RUNX1T1: variants seen among roughly 807,000 people sequenced by gnomAD.
RUNX1T1 encodes protein CBFA2T1.
RUNX1T1 carries 4 observed loss-of-function variants against 62.8 expected under a neutral mutation model. The observed-to-expected ratio is 0.06, with a 90% CI of 0.03 to 0.15. The LOEUF (loss-of-function observed/expected upper bound fraction) is 0.15, where lower values mean the gene tolerates loss of function less well. RUNX1T1 is among the 10% of genes least tolerant of loss of function. The probability of loss-of-function intolerance (pLI) is 1.00; values close to 1 mark genes in which losing one functional copy is unlikely to be tolerated. For synonymous variants in RUNX1T1, 291 were observed against 286.0 expected, an observed-to-expected ratio of 1.02 and a Z score of -0.18; for missense variants, 508 against 754.3, an observed-to-expected ratio of 0.67 and a Z score of 3.82.
intron 1 of RUNX1T1, among the ~76,000 whole-genome samples, chr8:92,083,146 C>G (rs1469255101): frequency 6.6e-6 from 1 of 152,154 alleles, no homozygotes; most frequent in Non-Finnish European, 1.5e-5. Context: ...TAAAAAGTTA[C>G]AGTGTGCATC....
At chr8:91,959,444 G>A (rs796531151) in exon 11 of RUNX1T1, 22,049 of 135,238 alleles carry the variant, frequency 0.16, 2,614 homozygotes, top group African/African-American at 0.43. Flanking sequence ...GTGTGTGTGT[G>A]TGTGTGTGTG....
At chr8:92,005,959 G>GTA (rs1563735534) in intron 4 of RUNX1T1, 1 of 147,634 alleles carries the variant, frequency 6.8e-6, no homozygotes, top group African/African-American at 2.6e-5. Flanking sequence ...TGCCTTCTTT[G>GTA]TATCAGTCTT....
intron 4 of RUNX1T1, chr8:92,006,542 A>G (rs1820808579): frequency 6.6e-6 from 1 of 152,190 alleles, no homozygotes; most frequent in African/African-American, 2.4e-5. Flanking sequence ...AATCATGGAC[A>G]GGAACTACGG....
chr8:91,975,627 C>T (rs1314783437), intron 9 of RUNX1T1, among the ~76,000 whole-genome samples: 1 of 151,626 alleles, frequency 6.6e-6, no homozygotes, highest in African/African-American at 2.4e-5. Flanking sequence ...CATTATGGCC[C>T]TGAAAAAAAT....
chr8:91,992,280 T>C (rs1817834046), intron 5 of RUNX1T1, among the ~76,000 whole-genome samples: 2 of 152,204 alleles, frequency 1.3e-5, no homozygotes, highest in South Asian at 4.1e-4. Context: ...AAAACATCAC[T>C]ACTCTCTTGA....
At chr8:92,017,753 G>GCAT in intron 1 of RUNX1T1, 1 of 610,720 alleles carries the variant, frequency 1.6e-6, no homozygotes, top group Non-Finnish European at 2.2e-6. Context: ...ACAAAAACCT[G>GCAT]AAGTCTGTTA....
chr8:92,015,295 G>A (rs1240846547), intron 2 of RUNX1T1, among the ~76,000 whole-genome samples: 1 of 152,178 alleles, frequency 6.6e-6, no homozygotes, highest in African/African-American at 2.4e-5. Flanking sequence ...TGACAGCTGT[G>A]TTTATAGGAA....
At chr8:92,081,893 T>C (rs1835331054) in intron 1 of RUNX1T1, among the ~76,000 whole-genome samples, 1 of 152,094 alleles carries the variant, frequency 6.6e-6, no homozygotes, top group South Asian at 2.1e-4. Context: ...TATTTATTTA[T>C]TTATTTATTT....
chr8:92,003,381 C>T (rs567619659), intron 5 of RUNX1T1: 20 of 456,068 alleles, frequency 4.4e-5, no homozygotes, highest in Non-Finnish European at 8.8e-5. Flanking sequence ...GGGAAAATAG[C>T]TGGAAATACA....
intron 5 of RUNX1T1, among the ~76,000 whole-genome samples, chr8:91,992,251 G>C (rs573959535): frequency 4.6e-5 from 7 of 152,272 alleles, no homozygotes; most frequent in Admixed American, 2.0e-4. Flanking sequence ...GACTGTATTT[G>C]ATGAAGATTC....
intron 1 of RUNX1T1, among the ~76,000 whole-genome samples, chr8:92,055,873 T>C (rs1380587221): frequency 6.6e-6 from 1 of 152,120 alleles, no homozygotes; most frequent in Admixed American, 6.5e-5. Flanking sequence ...AGAAAGAAAA[T>C]AAATGTTAAC....
chr8:92,034,939 A>C (rs1192469618), intron 1 of RUNX1T1, among the ~76,000 whole-genome samples: 3 of 152,048 alleles, frequency 2.0e-5, no homozygotes, highest in African/African-American at 7.2e-5. Context: ...CCTTAGAAAC[A>C]GAAAGTCAAA....
At chr8:91,993,107 A>G (rs1817992141) in intron 5 of RUNX1T1, among the ~76,000 whole-genome samples, 2 of 152,198 alleles carry the variant, frequency 1.3e-5, no homozygotes, top group African/African-American at 4.8e-5. Context: ...CTACCAGTTC[A>G]CAGTGGCTGC....
At chr8:91,955,439 C>CA (rs1809213263), downstream of RUNX1T1, 1 of 227,082 alleles carries the variant, frequency 4.4e-6, no homozygotes, top group Non-Finnish European at 8.7e-6. Context: ...CCTAACTGTC[C>CA]AAAGTGTGGG....
chr8:92,095,685 G>C, intron 1 of RUNX1T1: 3 of 777,032 alleles, frequency 3.9e-6, no homozygotes, highest in African/African-American at 1.8e-5. Context: ...GGGAAGGAGG[G>C]ATGGAGGAGG....
intron 4 of RUNX1T1, among the ~76,000 whole-genome samples, chr8:92,009,485 A>T (rs903927059): frequency 5.3e-5 from 8 of 152,170 alleles, no homozygotes; most frequent in African/African-American, 1.9e-4. Flanking sequence ...TATGGTAACC[A>T]TATGGTGTGC....
At chr8:91,984,100 A>G (rs1024736780) in intron 8 of RUNX1T1, among the ~76,000 whole-genome samples, 4 of 152,240 alleles carry the variant, frequency 2.6e-5, no homozygotes, top group African/African-American at 4.8e-5. Context: ...TTAAGGCCAA[A>G]CAAATATCTC....
At chr8:91,957,348 C>G (rs1439761347), downstream of RUNX1T1, 3 of 224,692 alleles carry the variant, frequency 1.3e-5, no homozygotes, top group Non-Finnish European at 1.8e-5. Flanking sequence ...TTTGACTAGA[C>G]CAGTTTTTGT....
At chr8:92,083,966 G>A (rs529290417) in intron 1 of RUNX1T1, among the ~76,000 whole-genome samples, 157 of 152,204 alleles carry the variant, frequency 1.0e-3, no homozygotes, top group African/African-American at 3.6e-3. Flanking sequence ...GGATGAAGCT[G>A]GAAACCATCA....
Sources: gnomAD v4.1 joint callset for allele counts (sites outside exome capture counted in the v4.1 genomes callset) on GRCh38, gnomAD v4.1.1 for gene constraint, MANE v1.5 for transcripts, NCBI Gene and HGNC (gene_info 2026-07-23, HGNC 2026-07-21) for gene names.